Variants in MACO1 observed in about 807,000 individuals in gnomAD.
MACO1 encodes the protein macoilin 1, also known as macoilin.
MACO1 carries 14 observed loss-of-function variants against 78.7 expected under a neutral mutation model. The observed-to-expected ratio is 0.18, with a 90% confidence interval of 0.12 to 0.28. The LOEUF is 0.28. Among genes scored for constraint, MACO1 ranks in the 10% least tolerant of loss-of-function variants. The pLI, the probability that MACO1 is intolerant of heterozygous loss-of-function variation, is 1.00. For synonymous variants in MACO1, 288 were observed against 291.6 expected (o/e 0.99, Z 0.12); for missense variants, 501 against 799.0 (o/e 0.63, Z 4.50).
rs988274739 is a variant in MACO1 at position 25,491,443 on chromosome 1, A to G, written c.1651A>G (p.Thr551Ala). ...LRKYKENEKD[T>A]EVLMSALSAM... The stretch of plus-strand genomic sequence containing the variant: ...GAAATATAAGGAAAATGAGAAGGAC[A>G]CTGAGGTGTTAATGTCAGCCCTCTC... Residue 551 changes from threonine (T) to alanine (A), a missense_variant, in exon 10 of 11, where the codon ACT becomes GCT. Transcript: ENST00000374343. The G allele has an allele frequency of 2.5e-6, 4 of 1,614,138 alleles. No individual in the cohort carries two copies. Among genetic ancestry groups the G allele is most frequent in the African/African-American group, 2.7e-5 (2 of 74,950 alleles).
intron 3 of MACO1, among the ~76,000 whole-genome samples, chr1:25,451,922 ACT>A (rs1482183329): frequency 1.3e-5 from 2 of 150,260 alleles, no homozygotes; most frequent in Non-Finnish European, 3.0e-5. Flanking sequence ...ACAGAGCGAG[ACT>A]CTGTCTCCAA....
At chr1:25,453,341 T>A (rs1321276381) in intron 3 of MACO1, among the ~76,000 whole-genome samples, 1 of 150,802 alleles carries the variant, frequency 6.6e-6, no homozygotes, top group Non-Finnish European at 1.5e-5. Context: ...CAAGACTCTT[T>A]TATGTTTCTA....
At chr1:25,479,179 G>A (rs1354243374) in intron 6 of MACO1, among the ~76,000 whole-genome samples, 1 of 152,154 alleles carries the variant, frequency 6.6e-6, no homozygotes, top group Non-Finnish European at 1.5e-5. Flanking sequence ...TTCAGCTAAT[G>A]ACATTTTAAT....
At chr1:25,473,771 A>T (rs1233692222) in intron 6 of MACO1, among the ~76,000 whole-genome samples, 1 of 152,222 alleles carries the variant, frequency 6.6e-6, no homozygotes, top group East Asian at 1.9e-4. Context: ...GGCTATTTGG[A>T]TACTTTGCCA....
intron 1 of MACO1, among the ~76,000 whole-genome samples, chr1:25,439,217 T>G (rs959842887): frequency 6.6e-6 from 1 of 151,890 alleles, no homozygotes; most frequent in African/African-American, 2.4e-5. Context: ...ATACCCTATT[T>G]ATTTATTTAT....
intron 1 of MACO1, among the ~76,000 whole-genome samples, chr1:25,444,184 G>A (rs554264203): frequency 2.0e-5 from 3 of 148,354 alleles, no homozygotes; most frequent in South Asian, 4.7e-4. Flanking sequence ...ACTTGAACCC[G>A]GGAAGTGGAG....
At chr1:25,472,774 G>C (rs982767620) in intron 6 of MACO1, among the ~76,000 whole-genome samples, 2 of 152,204 alleles carry the variant, frequency 1.3e-5, no homozygotes, top group African/African-American at 4.8e-5. Flanking sequence ...GATTGCTGCA[G>C]AGTCACCTGC....
At chr1:25,445,101 C>T (rs938143169) in intron 1 of MACO1, among the ~76,000 whole-genome samples, 2 of 147,390 alleles carry the variant, frequency 1.4e-5, no homozygotes, top group African/African-American at 2.5e-5. Flanking sequence ...TGAGACCAGC[C>T]TGGGTAACAT....
chr1:25,484,008 G>T, intron 6 of MACO1, 108 bp from the exon 7 acceptor site: 4 of 1,122,920 alleles, frequency 3.6e-6, no homozygotes, highest in Non-Finnish European at 5.0e-6. Flanking sequence ...CTGCCAGCGG[G>T]GTCCTTTTTC....
intron 6 of MACO1, among the ~76,000 whole-genome samples, chr1:25,465,192 G>T (rs1571971692): frequency 1.3e-5 from 2 of 152,162 alleles, no homozygotes; most frequent in Admixed American, 6.5e-5. Context: ...TATACCGCAA[G>T]TTTATCCATT....
chr1:25,457,195 C>G (rs1363301760), intron 5 of MACO1, among the ~76,000 whole-genome samples: 1 of 151,896 alleles, frequency 6.6e-6, no homozygotes, highest in Non-Finnish European at 1.5e-5. Flanking sequence ...GCCTCAAACT[C>G]CTGGGAGCAA....
At chr1:25,480,930 ATATATATATATATATATATATATATATAT>A (rs1372015242) in intron 6 of MACO1, among the ~76,000 whole-genome samples, 1 of 75,320 alleles carries the variant, frequency 1.3e-5, no homozygotes, top group Non-Finnish European at 2.5e-5. Flanking sequence ...AAAAAAAAAA[ATATATATATATATATATATATATATATAT>A]ATATATATAT....
rs2043540601 is a variant in MACO1, at chr1:25,496,731, C to T, written c.1793-1533C>T. On this transcript the variant is annotated intron_variant, in intron 10 of 10. Transcript: ENST00000374343. ...AAAAAAAGGGTAGACACAGTGTCTG[C>T]CCTCATGGAACTCATGGTCCAGCAG... Among the ~76,000 whole-genome samples the T allele has an allele frequency of 2.0e-5, 3 of 151,592 alleles. No individual in the cohort carries two copies. In the South Asian group the frequency reaches 6.2e-4, roughly 32 times the overall value.
chr1:25,446,685 A>T, intron 1 of MACO1, 77 bp from the exon 2 acceptor site: 1 of 1,425,854 alleles, frequency 7.0e-7, no homozygotes, highest in Non-Finnish European at 9.3e-7. Context: ...TGTCGTTTTA[A>T]ACAGAAACAG....
intron 7 of MACO1, among the ~76,000 whole-genome samples, chr1:25,484,504 T>G (rs1267917511): frequency 6.6e-6 from 1 of 152,264 alleles, no homozygotes; most frequent in Non-Finnish European, 1.5e-5. Context: ...TTTTGTCTTC[T>G]CTCATTTAAT....
intron 6 of MACO1, among the ~76,000 whole-genome samples, chr1:25,475,893 C>T (rs909298527): frequency 1.3e-5 from 2 of 152,158 alleles, no homozygotes; most frequent in South Asian, 4.1e-4. Context: ...CTATCATGAG[C>T]ATTCTTCCAT....
At chr1:25,460,303 C>T (rs916916276) in intron 6 of MACO1, among the ~76,000 whole-genome samples, 7 of 152,126 alleles carry the variant, frequency 4.6e-5, no homozygotes, top group South Asian at 2.1e-4. Context: ...GGGAGAAAGA[C>T]CAATTAGTTT....
chr1:25,477,283 C>T (rs1344865346), intron 6 of MACO1, among the ~76,000 whole-genome samples: 1 of 152,126 alleles, frequency 6.6e-6, no homozygotes, highest in Non-Finnish European at 1.5e-5. Context: ...GAGGCCATTC[C>T]TCCCAAAGAG....
chr1:25,480,897 C>T (rs1488806921), intron 6 of MACO1, among the ~76,000 whole-genome samples: 1 of 111,102 alleles, frequency 9.0e-6, no homozygotes, highest in Admixed American at 1.2e-4. Context: ...GCCTGGGCAA[C>T]AGAGTGAGAC....
Sources: gnomAD v4.1 joint callset for allele counts (sites outside exome capture counted in the v4.1 genomes callset) on GRCh38, gnomAD v4.1.1 for gene constraint, MANE v1.5 for transcripts, NCBI Gene and HGNC (gene_info 2026-07-23, HGNC 2026-07-21) for gene names.